Variants in TSHZ2 observed in about 807,000 individuals in gnomAD.
TSHZ2 encodes the protein teashirt homolog 2.
Under a neutral mutation model 74.4 loss-of-function variants are expected in TSHZ2, and 21 were observed. The ratio of observed to expected loss-of-function variants is 0.28; its 90% confidence interval spans 0.20 to 0.41. The LOEUF is 0.41. TSHZ2 is among the 10% of genes least tolerant of loss of function. The pLI, the probability that TSHZ2 is intolerant of heterozygous loss-of-function variation, is 1.00. For synonymous variants in TSHZ2, 540 were observed against 515.3 expected, an observed-to-expected ratio of 1.05 and a Z score of -0.65; for missense variants, 1,244 against 1,293.5, an observed-to-expected ratio of 0.96 and a Z score of 0.59.
intron 1 of TSHZ2, among the ~76,000 whole-genome samples, chr20:53,031,306 G>T (rs1038387424): frequency 3.9e-5 from 6 of 152,140 alleles, no homozygotes; most frequent in Non-Finnish European, 7.4e-5. Flanking sequence ...CAAAACATTT[G>T]AGTTAACAAC....
At chr20:52,995,677 A>G (rs1374631323) in intron 1 of TSHZ2, among the ~76,000 whole-genome samples, 2 of 150,050 alleles carry the variant, frequency 1.3e-5, no homozygotes, top group Non-Finnish European at 2.9e-5. Flanking sequence ...CAGTGGTGCA[A>G]TCTTGGCTCA....
At chr20:53,071,942 A>G (rs751527896) in intron 1 of TSHZ2, among the ~76,000 whole-genome samples, 1 of 152,168 alleles carries the variant, frequency 6.6e-6, no homozygotes, top group Admixed American at 6.5e-5. Context: ...GGCATTTTGC[A>G]ATTTGCAGAG....
At chr20:53,299,378 G>T (rs1217210853) in intron 2 of TSHZ2, among the ~76,000 whole-genome samples, 1 of 152,182 alleles carries the variant, frequency 6.6e-6, no homozygotes, top group Non-Finnish European at 1.5e-5. Context: ...CGTTTTTGTG[G>T]ATATGATTGT....
chr20:53,349,836 A>G (rs1600824147), intron 2 of TSHZ2, among the ~76,000 whole-genome samples: 1 of 152,326 alleles, frequency 6.6e-6, no homozygotes, highest in South Asian at 2.1e-4. Context: ...TTAAAAGAAA[A>G]CAAATTCATT....
rs577246452 is a variant in TSHZ2 at position 52,994,603 on chromosome 20, G to A, written c.40+21270G>A. Among the ~76,000 whole-genome samples, 5 of 152,310 alleles carry A rather than the reference G, an allele frequency of 3.3e-5. No homozygotes were observed. The East Asian group carries it at 9.6e-4, about 29-fold the overall frequency. On this transcript the variant is annotated intron_variant, in intron 1 of 2. Coordinates refer to ENST00000371497, the MANE Select transcript of TSHZ2 (RefSeq NM_173485.6). ...CAGGTGGGCCCTGACATTTTCATTAGCAATGGTTCCCTTGATTTCCCTTCA... is the reference window on the plus strand; with the variant it reads ...CAGGTGGGCCCTGACATTTTCATTAACAATGGTTCCCTTGATTTCCCTTCA...
At chr20:53,424,942 C>T (rs1983605966) in intron 2 of TSHZ2, among the ~76,000 whole-genome samples, 1 of 152,192 alleles carries the variant, frequency 6.6e-6, no homozygotes, top group African/African-American at 2.4e-5. Context: ...ATATATACCA[C>T]ATTTTCTTTA....
intron 1 of TSHZ2, among the ~76,000 whole-genome samples, chr20:53,075,804 T>C (rs1043074730): frequency 6.6e-6 from 1 of 152,156 alleles, no homozygotes; most frequent in East Asian, 1.9e-4. Context: ...TCAGCCACCA[T>C]CGGTGGGAGC....
chr20:53,159,005 A>G (rs561767615), intron 1 of TSHZ2, among the ~76,000 whole-genome samples: 1 of 152,256 alleles, frequency 6.6e-6, no homozygotes, highest in Non-Finnish European at 1.5e-5. Flanking sequence ...AAATTAGCAG[A>G]ACTGACGACA....
chr20:53,037,166 G>A (rs1828069815), intron 1 of TSHZ2, among the ~76,000 whole-genome samples: 1 of 152,150 alleles, frequency 6.6e-6, no homozygotes, highest in Non-Finnish European at 1.5e-5. Flanking sequence ...CGAGGTCGGG[G>A]CTTCCTGATA....
intron 1 of TSHZ2, among the ~76,000 whole-genome samples, chr20:53,038,861 T>C (rs1193540153): frequency 8.7e-6 from 1 of 115,412 alleles, no homozygotes. Flanking sequence ...CACTTCTTGT[T>C]TTTTTTTTGT....
chr20:53,370,499 A>G (rs1472860566), intron 2 of TSHZ2, among the ~76,000 whole-genome samples: 2 of 152,150 alleles, frequency 1.3e-5, no homozygotes, highest in African/African-American at 4.8e-5. Context: ...TGTGGCTCAC[A>G]CCTGTGATCC....
intron 1 of TSHZ2, among the ~76,000 whole-genome samples, chr20:53,089,081 C>T (rs899299294): frequency 2.0e-5 from 3 of 151,906 alleles, no homozygotes; most frequent in East Asian, 1.9e-4. Flanking sequence ...CCTGGCGCTC[C>T]GCAATCCTCT....
intron 1 of TSHZ2, among the ~76,000 whole-genome samples, chr20:53,246,390 C>T (rs1251557153): frequency 6.6e-6 from 1 of 152,136 alleles, no homozygotes; most frequent in African/African-American, 2.4e-5. Context: ...TCACAGCCCT[C>T]GGTGTCCTCC....
At chr20:53,308,390 G>A (rs1428776606) in intron 2 of TSHZ2, among the ~76,000 whole-genome samples, 2 of 152,118 alleles carry the variant, frequency 1.3e-5, no homozygotes, top group Non-Finnish European at 2.9e-5. Flanking sequence ...ATCCTGCCGT[G>A]TTGAAAGCTG....
chr20:53,113,239 G>A (rs779554893), intron 1 of TSHZ2, among the ~76,000 whole-genome samples: 4 of 152,310 alleles, frequency 2.6e-5, no homozygotes, highest in South Asian at 2.1e-4. Flanking sequence ...TACTGAGAAC[G>A]CAGTAAGAAT....
At chr20:53,166,084 G>C (rs537900502) in intron 1 of TSHZ2, among the ~76,000 whole-genome samples, 3 of 152,304 alleles carry the variant, frequency 2.0e-5, no homozygotes, top group Non-Finnish European at 4.4e-5. Context: ...GATTTGTCTA[G>C]AATGGGCTGT....
At chr20:53,012,672 A>G (rs920841188) in intron 1 of TSHZ2, among the ~76,000 whole-genome samples, 1 of 152,122 alleles carries the variant, frequency 6.6e-6, no homozygotes, top group African/African-American at 2.4e-5. Context: ...ACACACACAC[A>G]CACATGCACA....
intron 2 of TSHZ2, among the ~76,000 whole-genome samples, chr20:53,287,918 A>G (rs1390333762): frequency 6.6e-6 from 1 of 152,160 alleles, no homozygotes; most frequent in African/African-American, 2.4e-5. Context: ...ATATTTTTCA[A>G]ATCTCTTCCT....
chr20:53,437,451 T>G (rs1434027757), intron 2 of TSHZ2, among the ~76,000 whole-genome samples: 1 of 151,884 alleles, frequency 6.6e-6, no homozygotes, highest in Non-Finnish European at 1.5e-5. Flanking sequence ...GCAGCCTGGG[T>G]GTCAGAGCAA....
Sources: allele counts gnomAD v4.1 joint callset (sites outside exome capture counted in the v4.1 genomes callset), GRCh38; gene constraint gnomAD v4.1.1; transcripts MANE v1.5; gene names NCBI Gene and HGNC (gene_info 2026-07-23, HGNC 2026-07-21).